Variants in LEPR observed in about 807,000 individuals in gnomAD.
LEPR encodes leptin receptor, also known as OB receptor.
In LEPR, 56 loss-of-function variants were observed where a neutral mutation model predicts 114.7. The observed-to-expected ratio is 0.49, with a 90% CI of 0.39 to 0.61. The LOEUF is 0.61. Ranked by LOEUF, LEPR falls within the 20% of genes least tolerant of loss-of-function variation. The pLI is 0.00. For synonymous variants in LEPR, 443 were observed against 461.4 expected (o/e 0.96, Z 0.51); for missense variants, 1,202 against 1,352.9 (o/e 0.89, Z 1.75).
At chr1:65,556,070 T>A (rs1006443374) in intron 2 of LEPR, among the ~76,000 whole-genome samples, 1 of 152,020 alleles carries the variant, frequency 6.6e-6, no homozygotes, top group Admixed American at 6.5e-5. Flanking sequence ...GGTTATTAGG[T>A]CATGAGGGTG....
intron 2 of LEPR, among the ~76,000 whole-genome samples, chr1:65,430,900 C>G (rs1330681617): frequency 6.6e-6 from 1 of 152,120 alleles, no homozygotes; most frequent in East Asian, 1.9e-4. Context: ...ATATGGGCCT[C>G]TAAGGATAAA....
intron 2 of LEPR, among the ~76,000 whole-genome samples, chr1:65,462,941 A>T (rs1290739129): frequency 6.6e-6 from 1 of 152,088 alleles, no homozygotes; most frequent in South Asian, 2.1e-4. Context: ...CCCATTCTAT[A>T]TGTTGCCTGT....
At chr1:65,586,427 G>A (rs989585864) in intron 5 of LEPR, among the ~76,000 whole-genome samples, 2 of 151,942 alleles carry the variant, frequency 1.3e-5, no homozygotes, top group Non-Finnish European at 2.9e-5. Context: ...TTATACCTGG[G>A]GAGGGAGAAT....
chr1:65,509,550 T>A (rs1648927658), intron 2 of LEPR, among the ~76,000 whole-genome samples: 1 of 152,128 alleles, frequency 6.6e-6, no homozygotes, highest in South Asian at 2.1e-4. Flanking sequence ...GAAAGAAAAA[T>A]TTTACAGTAT....
At position 65,637,308 on chromosome 1, in the gene LEPR, A is replaced by G. The variant is rs1658751699; in HGVS notation, c.*293A>G. On this transcript the variant is annotated 3_prime_UTR_variant, in exon 20 of 20. Transcript: ENST00000349533. ...CAGACACCATCTTTTGTGAGATGTAATTGTTTTTTCAGAGGGCGTGTTGTT... is the reference window on the plus strand; with the variant it reads ...CAGACACCATCTTTTGTGAGATGTAGTTGTTTTTTCAGAGGGCGTGTTGTT... The G allele has an allele frequency of 3.5e-6, 1 of 288,536 alleles. No homozygotes were observed. The highest frequency in any genetic ancestry group is 5.8e-5 in the South Asian group (1 of 17,240). The allele number at this position is 288,536 out of a possible 1,614,324, so 17.9% of individuals were successfully genotyped here.
At chr1:65,564,006 T>G (rs7536163) in intron 2 of LEPR, among the ~76,000 whole-genome samples, 79 of 137,374 alleles carry the variant, frequency 5.8e-4, no homozygotes, top group Non-Finnish European at 7.3e-4. Flanking sequence ...GCTGTCTTTT[T>G]GTTTGTCTGT....
chr1:65,547,455 T>C (rs1651848679), intron 2 of LEPR, among the ~76,000 whole-genome samples: 1 of 151,456 alleles, frequency 6.6e-6, no homozygotes, highest in South Asian at 2.1e-4. Context: ...TTTTGGTTGG[T>C]AAGCTATTGA....
chr1:65,554,265 C>A (rs1228313245), intron 2 of LEPR, among the ~76,000 whole-genome samples: 2 of 152,172 alleles, frequency 1.3e-5, no homozygotes, highest in African/African-American at 4.8e-5. Flanking sequence ...CTCTTCAGAG[C>A]CATCAGGCAG....
chr1:65,613,021 G>T (rs188562643), intron 14 of LEPR, among the ~76,000 whole-genome samples: 2 of 152,114 alleles, frequency 1.3e-5, no homozygotes, highest in African/African-American at 4.8e-5. Flanking sequence ...AGGAGTAGGA[G>T]TCATGTTCCA....
intron 2 of LEPR, among the ~76,000 whole-genome samples, chr1:65,503,796 TAC>T (rs71584485): frequency 0.13 from 19,169 of 147,060 alleles, 1,383 homozygotes; most frequent in African/African-American, 0.2. Context: ...TGAAGTTAGC[TAC>T]ACACACACAC....
intron 2 of LEPR, among the ~76,000 whole-genome samples, chr1:65,486,741 T>A (rs1647504971): frequency 6.6e-6 from 1 of 152,138 alleles, no homozygotes. Context: ...TCATGGAGGC[T>A]AACATTTCTA....
chr1:65,448,683 A>G (rs1039163615), intron 2 of LEPR, among the ~76,000 whole-genome samples: 1 of 152,168 alleles, frequency 6.6e-6, no homozygotes, highest in Non-Finnish European at 1.5e-5. Context: ...ATTATTTATT[A>G]ATTCAATTTC....
At chr1:65,558,272 G>A (rs1652966675) in intron 2 of LEPR, among the ~76,000 whole-genome samples, 1 of 152,072 alleles carries the variant, frequency 6.6e-6, no homozygotes, top group South Asian at 2.1e-4. Context: ...AAATCCTAAA[G>A]AACCATTGTG....
intron 2 of LEPR, among the ~76,000 whole-genome samples, chr1:65,436,919 TC>T (rs1646571720): frequency 6.6e-6 from 1 of 152,228 alleles, no homozygotes; most frequent in African/African-American, 2.4e-5. Flanking sequence ...CTCAACACTT[TC>T]ATTTCCTCTG....
chr1:65,434,955 C>G, intron 2 of LEPR: 1 of 985,520 alleles, frequency 1.0e-6, no homozygotes, highest in Non-Finnish European at 1.2e-6. Context: ...TCTGAAATTC[C>G]TTTTGACACC....
chr1:65,610,317 A>C, intron 14 of LEPR, 21 bp downstream of exon 14: 1 of 1,570,764 alleles, frequency 6.4e-7, no homozygotes, highest in South Asian at 1.1e-5. Context: ...TTTTAATATT[A>C]ATCTTAAATT....
intron 2 of LEPR, among the ~76,000 whole-genome samples, chr1:65,485,989 C>G (rs917903031): frequency 6.6e-6 from 1 of 152,170 alleles, no homozygotes; most frequent in African/African-American, 2.4e-5. Flanking sequence ...GGCACTTTAG[C>G]AAATACTGTA....
At chr1:65,590,611 A>G (rs934443791) in intron 5 of LEPR, among the ~76,000 whole-genome samples, 2 of 39,216 alleles carry the variant, frequency 5.1e-5, no homozygotes, top group South Asian at 1.5e-3. Flanking sequence ...TTCCACCATG[A>G]TTCTAAGTTT....
At chr1:65,634,534 A>G in intron 19 of LEPR, 1 of 939,874 alleles carries the variant, frequency 1.1e-6, no homozygotes, top group Non-Finnish European at 1.3e-6. Context: ...TCAATAGTAT[A>G]TGAGTATGAG....
Sources: gnomAD v4.1 joint callset for allele counts (sites outside exome capture counted in the v4.1 genomes callset) on GRCh38, gnomAD v4.1.1 for gene constraint, MANE v1.5 for transcripts, NCBI Gene and HGNC (gene_info 2026-07-23, HGNC 2026-07-21) for gene names.